C8orf89: variants seen among roughly 807,000 people sequenced by gnomAD.
The protein encoded by C8orf89 is putative uncharacterized protein C8orf89.
C8orf89 carries 14 observed loss-of-function variants against 15.8 expected under a neutral mutation model. The observed-to-expected ratio is 0.89, with a 90% CI of 0.59 to 1.39. The LOEUF is 1.39. Ranked by LOEUF, C8orf89 falls within the 40% of genes most tolerant of loss-of-function variation. The pLI is 0.00. For missense variants in C8orf89, 181 were observed against 184.5 expected (o/e 0.98, Z 0.11); for synonymous variants, 55 against 62.2 (o/e 0.88, Z 0.54).
At chr8:73,243,594 A>G (rs1440370013) in intron 3 of C8orf89, among the ~76,000 whole-genome samples, 1 of 152,084 alleles carries the variant, frequency 6.6e-6, no homozygotes, top group African/African-American at 2.4e-5. Flanking sequence ...CAGTGGTGCA[A>G]TCTCGGCTCA....
chr8:73,283,332 C>G, the C8orf89 span, among the ~76,000 whole-genome samples: 1 of 152,160 alleles, frequency 6.6e-6, no homozygotes, highest in Non-Finnish European at 1.5e-5. Flanking sequence ...CCCAATGAAA[C>G]ACAGATTCCA....
chr8:73,245,183 A>G (rs1239558833), intron 3 of C8orf89, among the ~76,000 whole-genome samples: 5 of 152,246 alleles, frequency 3.3e-5, no homozygotes, highest in African/African-American at 9.6e-5. Context: ...TGATTCAATC[A>G]TCTCCCACTG....
intron 2 of C8orf89, among the ~76,000 whole-genome samples, chr8:73,254,272 A>C (rs938585109): frequency 1.3e-5 from 2 of 152,020 alleles, no homozygotes. Context: ...CTTGCATCCC[A>C]GGGATGAAGC....
chr8:73,282,169 A>G, the C8orf89 span, among the ~76,000 whole-genome samples: 2 of 152,240 alleles, frequency 1.3e-5, no homozygotes, highest in Admixed American at 6.5e-5. Context: ...AGCATGTACG[A>G]TATACACATA....
Position 73,259,428 on chromosome 8 carries a change from CA to C in C8orf89, c.30del (p.Cys10TrpfsTer15). On this transcript the variant is annotated frameshift_variant, in exon 1 of 4. Coordinates refer to ENST00000624510, the MANE Select transcript of C8orf89 (RefSeq NM_001243237.3). LOFTEE classifies it high-confidence loss of function. MSVLSPEIKCETSKFTRSSF... is the reference protein window; with the variant it reads MSVLSPEIKXETSKFTRSSF... Reference sequence around the variant, plus strand: ...GAACTTCTGGTGAATTTAGAAGTCTCACATTTGATTTCAGGAGATAGCACTG... The same window carrying C: ...GAACTTCTGGTGAATTTAGAAGTCTCCATTTGATTTCAGGAGATAGCACTG... The C allele has an allele frequency of 1.3e-6, 2 of 1,534,066 alleles. No individual in the cohort carries two copies. The highest frequency in any genetic ancestry group is 1.7e-6 in the Non-Finnish European group (2 of 1,145,982).
At chr8:73,258,669 C>A (rs187958367) in intron 1 of C8orf89, among the ~76,000 whole-genome samples, 1 of 142,476 alleles carries the variant, frequency 7.0e-6, no homozygotes, top group South Asian at 2.2e-4. Context: ...CACTTTGTTG[C>A]CCAGACTGAA....
intron 3 of C8orf89, among the ~76,000 whole-genome samples, chr8:73,246,560 G>A (rs531956177): frequency 1.1e-4 from 16 of 152,238 alleles, no homozygotes; most frequent in African/African-American, 3.9e-4. Flanking sequence ...TGTATTTTTA[G>A]TAGAGACGGA....
At chr8:73,243,394 C>T (rs1055311801) in intron 3 of C8orf89, among the ~76,000 whole-genome samples, 3 of 152,174 alleles carry the variant, frequency 2.0e-5, no homozygotes, top group East Asian at 1.9e-4. Context: ...ACACGTTGTA[C>T]GCCTGTATCA....
chr8:73,251,067 G>T (rs1245255193), intron 2 of C8orf89, among the ~76,000 whole-genome samples: 1 of 152,044 alleles, frequency 6.6e-6, no homozygotes, highest in African/African-American at 2.4e-5. Context: ...CTCCCAAAAT[G>T]GGTTTCCAAG....
chr8:73,284,151 A>G, the C8orf89 span, among the ~76,000 whole-genome samples: 2 of 151,396 alleles, frequency 1.3e-5, no homozygotes, highest in Non-Finnish European at 2.9e-5. Context: ...ATACATCTGT[A>G]CTATGAAATA....
chr8:73,283,997 G>A, the C8orf89 span, among the ~76,000 whole-genome samples: 6 of 150,448 alleles, frequency 4.0e-5, no homozygotes, highest in East Asian at 3.9e-4. Flanking sequence ...AGCCAGGACC[G>A]CGCCATGGCA....
upstream of C8orf89, among the ~76,000 whole-genome samples, chr8:73,259,909 G>C (rs568944614): frequency 5.9e-5 from 9 of 152,170 alleles, no homozygotes; most frequent in South Asian, 1.9e-3. Context: ...TTACATGCAA[G>C]GCAAGACTAC....
At chr8:73,248,719 G>A (rs1813182432) in intron 3 of C8orf89, among the ~76,000 whole-genome samples, 1 of 152,172 alleles carries the variant, frequency 6.6e-6, no homozygotes, top group African/African-American at 2.4e-5. Context: ...ATGGGATTGT[G>A]TTCCTGATTT....
rs144903787 is a variant in C8orf89, at chr8:73,246,246, G to T, written c.337+4022C>A. Among the ~76,000 whole-genome samples the T allele has an allele frequency of 3.1e-3, 477 of 152,294 alleles. 3 individuals are homozygous for T. The highest frequency in any genetic ancestry group is 5.1e-3 in the Non-Finnish European group (349 of 68,030). ...TTTACAGAAGACTTACTTTGTTGCA[G>T]AAACTAGTGTAGGCACTGTAGGGAT... On this transcript the variant is annotated intron_variant, in intron 3 of 3. Coordinates refer to ENST00000624510, the MANE Select transcript of C8orf89 (RefSeq NM_001243237.3).
At chr8:73,257,721 C>T (rs1813429837) in intron 1 of C8orf89, among the ~76,000 whole-genome samples, 1 of 152,044 alleles carries the variant, frequency 6.6e-6, no homozygotes, top group Non-Finnish European at 1.5e-5. Context: ...TAAAAATTTT[C>T]AAGGCATTAA....
chr8:73,249,490 A>G (rs1394812009), intron 3 of C8orf89, among the ~76,000 whole-genome samples: 1 of 152,142 alleles, frequency 6.6e-6, no homozygotes, highest in African/African-American at 2.4e-5. Flanking sequence ...TTCAGTGTGA[A>G]TGGTACCAGC....
the C8orf89 span, among the ~76,000 whole-genome samples, chr8:73,271,371 G>A: frequency 1.9e-3 from 286 of 152,282 alleles, 1 homozygote; most frequent in African/African-American, 6.6e-3. Flanking sequence ...GGCAGTGGGT[G>A]AGTTCTCACT....
chr8:73,248,957 G>T (rs1469927163), intron 3 of C8orf89, among the ~76,000 whole-genome samples: 2 of 152,096 alleles, frequency 1.3e-5, no homozygotes, highest in Non-Finnish European at 2.9e-5. Flanking sequence ...GATTGCTCTG[G>T]TCAGAACTTC....
intron 1 of C8orf89, among the ~76,000 whole-genome samples, 170 bp from the exon 2 acceptor site, chr8:73,257,296 T>C (rs1408498982): frequency 6.6e-6 from 1 of 152,136 alleles, no homozygotes; most frequent in African/African-American, 2.4e-5. Context: ...ATCCTGACTA[T>C]AGGGACTGCA....
Sources: gnomAD v4.1 joint callset for allele counts (sites outside exome capture counted in the v4.1 genomes callset) on GRCh38, gnomAD v4.1.1 for gene constraint, MANE v1.5 for transcripts, NCBI Gene and HGNC (gene_info 2026-07-23, HGNC 2026-07-21) for gene names.